Variants in PIK3C2G observed in about 807,000 individuals in gnomAD.
PIK3C2G encodes the protein phosphatidylinositol-4-phosphate 3-kinase catalytic subunit type 2 gamma.
A neutral mutation model predicts 181.1 loss-of-function variants in PIK3C2G; 168 were observed. The ratio of observed to expected loss-of-function variants is 0.93; its 90% CI spans 0.82 to 1.05. The LOEUF (loss-of-function observed/expected upper bound fraction) is 1.05. PIK3C2G is among the 50% of genes least tolerant of loss of function. The pLI is 0.00. For synonymous variants in PIK3C2G, 573 were observed against 592.2 expected (o/e 0.97, Z 0.47); for missense variants, 1,869 against 1,732.8 (o/e 1.08, Z -1.40).
intron 18 of PIK3C2G, among the ~76,000 whole-genome samples, chr12:18,481,963 T>C (rs908861817): frequency 7.9e-5 from 12 of 152,206 alleles, no homozygotes; most frequent in African/African-American, 1.2e-4. Context: ...TAATTGAGCA[T>C]AGTAGGTCTC....
the PIK3C2G span, chr12:18,693,486 A>G: frequency 6.2e-7 from 1 of 1,609,188 alleles, no homozygotes; most frequent in Admixed American, 1.7e-5. Context: ...TTGTTAGCCA[A>G]AGCAGTAGCA....
At chr12:18,725,803 G>A in the PIK3C2G span, among the ~76,000 whole-genome samples, 72,706 of 151,678 alleles carry the variant, frequency 0.48, 20,415 homozygotes, top group East Asian at 0.67. Flanking sequence ...TTTTCTTTCC[G>A]GAATATCCTT....
chr12:18,547,098 T>G (rs1433483616), intron 26 of PIK3C2G, among the ~76,000 whole-genome samples: 1 of 152,066 alleles, frequency 6.6e-6, no homozygotes, highest in East Asian at 1.9e-4. Context: ...GCATTCTTTC[T>G]TTCCTGTAAC....
intron 9 of PIK3C2G, among the ~76,000 whole-genome samples, chr12:18,342,054 T>C (rs1020504582): frequency 5.9e-5 from 9 of 152,154 alleles, no homozygotes; most frequent in African/African-American, 1.7e-4. Flanking sequence ...GCTTACATAA[T>C]AGGCGAACCA....
At chr12:18,712,087 A>G in the PIK3C2G span, among the ~76,000 whole-genome samples, 5 of 152,176 alleles carry the variant, frequency 3.3e-5, no homozygotes. Flanking sequence ...TTAGGTACAC[A>G]TTACACAGTT....
intron 18 of PIK3C2G, among the ~76,000 whole-genome samples, chr12:18,459,215 G>C (rs142579465): frequency 1.6e-3 from 251 of 152,266 alleles, no homozygotes; most frequent in African/African-American, 5.8e-3. Context: ...GTGTGTAACT[G>C]TTCCTCAGGC....
intron 5 of PIK3C2G, among the ~76,000 whole-genome samples, chr12:18,298,960 T>C (rs1320226003): frequency 6.6e-6 from 1 of 151,984 alleles, no homozygotes; most frequent in African/African-American, 2.4e-5. Context: ...AACTTTGTAA[T>C]GTATTTTGAA....
chr12:18,408,673 C>T (rs1944679603), intron 16 of PIK3C2G, among the ~76,000 whole-genome samples: 1 of 151,874 alleles, frequency 6.6e-6, no homozygotes, highest in Non-Finnish European at 1.5e-5. Flanking sequence ...TGACAAAGGG[C>T]TAATATTCAG....
intron 18 of PIK3C2G, among the ~76,000 whole-genome samples, chr12:18,447,432 A>C (rs911402963): frequency 6.6e-6 from 1 of 152,228 alleles, no homozygotes. Context: ...TTTTTAAAAT[A>C]AAAGTTTCAA....
chr12:18,431,180 C>A (rs1565715081), intron 18 of PIK3C2G, among the ~76,000 whole-genome samples: 1 of 152,110 alleles, frequency 6.6e-6, no homozygotes, highest in Non-Finnish European at 1.5e-5. Flanking sequence ...TCCAGCAGTT[C>A]TCTTCTAATA....
the PIK3C2G span, among the ~76,000 whole-genome samples, chr12:18,666,212 A>C: frequency 6.6e-6 from 1 of 151,982 alleles, no homozygotes; most frequent in Non-Finnish European, 1.5e-5. Flanking sequence ...ATAGAAAACA[A>C]AGAGAAAATT....
intron 18 of PIK3C2G, among the ~76,000 whole-genome samples, chr12:18,484,408 T>A (rs749854606): frequency 6.6e-6 from 1 of 152,216 alleles, no homozygotes; most frequent in Non-Finnish European, 1.5e-5. Flanking sequence ...TATATTTAAG[T>A]GTTCTAAAAA....
chr12:18,621,668 C>G (rs1948871190), intron 31 of PIK3C2G, among the ~76,000 whole-genome samples: 1 of 151,660 alleles, frequency 6.6e-6, no homozygotes, highest in Admixed American at 6.6e-5. Context: ...CTATTCTGAT[C>G]TCCTTTTTGT....
At chr12:18,679,086 G>A in the PIK3C2G span, among the ~76,000 whole-genome samples, 1 of 152,016 alleles carries the variant, frequency 6.6e-6, no homozygotes, top group African/African-American at 2.4e-5. Flanking sequence ...GAATGGCATT[G>A]AGCTTCTTTT....
intron 30 of PIK3C2G, among the ~76,000 whole-genome samples, chr12:18,601,932 A>G (rs1005271362): frequency 6.6e-6 from 1 of 152,064 alleles, no homozygotes; most frequent in African/African-American, 2.4e-5. Flanking sequence ...CTGGCACCAC[A>G]GGGATCCATC....
At chr12:18,256,679 T>A (rs750699561), upstream of PIK3C2G, among the ~76,000 whole-genome samples, 1 of 152,142 alleles carries the variant, frequency 6.6e-6, no homozygotes, top group Non-Finnish European at 1.5e-5. Flanking sequence ...TTCTGGCAAG[T>A]AATCTCCCTT....
chr12:18,420,122 T>C (rs1945398373), intron 16 of PIK3C2G, among the ~76,000 whole-genome samples: 1 of 152,142 alleles, frequency 6.6e-6, no homozygotes. Flanking sequence ...AAATTGTTTC[T>C]TTAAAATTAA....
chr12:18,301,659 C>T (rs183938914), intron 5 of PIK3C2G, among the ~76,000 whole-genome samples: 10 of 151,890 alleles, frequency 6.6e-5, no homozygotes, highest in African/African-American at 2.4e-4. Flanking sequence ...TCTTGTATCT[C>T]ACTGAGTTTT....
At chr12:18,544,783 A>C (rs1944336394) in intron 25 of PIK3C2G, among the ~76,000 whole-genome samples, 1 of 151,876 alleles carries the variant, frequency 6.6e-6, no homozygotes, top group Non-Finnish European at 1.5e-5. Context: ...GGACTCCCTC[A>C]TCCATCTCCT....
Sources: allele counts gnomAD v4.1 joint callset (sites outside exome capture counted in the v4.1 genomes callset), GRCh38; gene constraint gnomAD v4.1.1; transcripts MANE v1.5; gene names NCBI Gene and HGNC (gene_info 2026-07-23, HGNC 2026-07-21).